GRID2: variants seen among roughly 807,000 people sequenced by gnomAD.
GRID2 encodes the protein glutamate receptor ionotropic, delta-2.
Under a neutral mutation model 114.8 loss-of-function variants are expected in GRID2, and 33 were observed. The observed-to-expected ratio is 0.29, with a 90% CI of 0.22 to 0.38. The LOEUF is 0.38. GRID2 is among the 10% of genes least tolerant of loss of function. The pLI is 1.00. For missense variants in GRID2, 1,184 were observed against 1,257.7 expected (o/e 0.94, Z 0.89); for synonymous variants, 505 against 449.9 (o/e 1.12, Z -1.55).
intron 2 of GRID2, among the ~76,000 whole-genome samples, chr4:92,943,555 G>A (rs544524721): frequency 1.8e-4 from 27 of 151,882 alleles, no homozygotes; most frequent in Admixed American, 9.2e-4. Flanking sequence ...TAGTTTGATC[G>A]TCTGAAGCCT....
At chr4:93,106,263 A>G (rs1301801881) in intron 3 of GRID2, among the ~76,000 whole-genome samples, 1 of 152,294 alleles carries the variant, frequency 6.6e-6, no homozygotes, top group East Asian at 1.9e-4. Flanking sequence ...CTGCCAGCTA[A>G]TCAGCATACA....
intron 14 of GRID2, among the ~76,000 whole-genome samples, chr4:93,688,205 A>G (rs1427779633): frequency 1.3e-5 from 2 of 151,912 alleles, no homozygotes; most frequent in Non-Finnish European, 2.9e-5. Context: ...AGGCTACTAG[A>G]AAAACAGTAT....
At chr4:92,830,307 T>A (rs928348775) in intron 2 of GRID2, among the ~76,000 whole-genome samples, 4 of 151,898 alleles carry the variant, frequency 2.6e-5, no homozygotes, top group African/African-American at 9.7e-5. Flanking sequence ...TTTTTTTTTT[T>A]TATTCTGAAA....
chr4:93,116,709 C>A (rs928384353), intron 4 of GRID2, among the ~76,000 whole-genome samples: 1 of 151,608 alleles, frequency 6.6e-6, no homozygotes, highest in Non-Finnish European at 1.5e-5. Flanking sequence ...TAGTTTCCGG[C>A]CTTGCTGGGA....
chr4:93,520,343 A>C (rs545625410), intron 13 of GRID2, among the ~76,000 whole-genome samples: 1 of 152,258 alleles, frequency 6.6e-6, no homozygotes, highest in African/African-American at 2.4e-5. Flanking sequence ...AGAATGGAAA[A>C]AAAAAAGCAG....
intron 4 of GRID2, among the ~76,000 whole-genome samples, chr4:93,194,158 T>C (rs1299860742): frequency 6.6e-6 from 1 of 152,192 alleles, no homozygotes; most frequent in Non-Finnish European, 1.5e-5. Flanking sequence ...CAGGATATAA[T>C]TGGTTGTCTA....
chr4:92,489,784 T>G (rs1250821939), intron 1 of GRID2, among the ~76,000 whole-genome samples: 5 of 151,604 alleles, frequency 3.3e-5, no homozygotes, highest in Non-Finnish European at 7.4e-5. Flanking sequence ...AGCTGGAAGT[T>G]GCAGTGAGCC....
intron 2 of GRID2, among the ~76,000 whole-genome samples, chr4:92,873,225 A>T (rs1020910457): frequency 6.6e-6 from 1 of 152,110 alleles, no homozygotes; most frequent in Non-Finnish European, 1.5e-5. Context: ...TAGTTTATTA[A>T]GCTCTTCAAT....
At chr4:93,438,230 T>G (rs996778912) in intron 10 of GRID2, among the ~76,000 whole-genome samples, 3 of 152,012 alleles carry the variant, frequency 2.0e-5, no homozygotes. Context: ...AATGTGTAGA[T>G]AAATAATTAA....
intron 10 of GRID2, among the ~76,000 whole-genome samples, chr4:93,443,627 C>T (rs540355140): frequency 6.6e-6 from 1 of 151,978 alleles, no homozygotes; most frequent in East Asian, 1.9e-4. Flanking sequence ...AGTGGTGATA[C>T]ATCATGAGCA....
Position 92,793,258 on chromosome 4 carries a change from C to A in GRID2, c.244+202972C>A, listed in dbSNP as rs192090524. On this transcript the variant is annotated intron_variant, in intron 2 of 15. Coordinates refer to ENST00000282020, the MANE Select transcript of GRID2 (RefSeq NM_001510.4). ...GTTTGATTATTTTGCCTAGAATGTT[C>A]ATTTTTTTGCCTAATTTTTATGCCA... 3.3e-4 allele frequency among the ~76,000 whole-genome samples: 50 copies of A among 151,762 alleles called. 1 individual carries two copies. The highest frequency in any genetic ancestry group is 1.0e-3 in the African/African-American group (42 of 41,456).
chr4:92,601,400 A>G (rs1729209467), intron 2 of GRID2, among the ~76,000 whole-genome samples: 1 of 152,208 alleles, frequency 6.6e-6, no homozygotes, highest in South Asian at 2.1e-4. Flanking sequence ...ATACAACTAA[A>G]TGGAAATTGA....
chr4:92,431,855 T>G (rs1732471470), intron 1 of GRID2, among the ~76,000 whole-genome samples: 1 of 152,234 alleles, frequency 6.6e-6, no homozygotes, highest in Admixed American at 6.5e-5. Flanking sequence ...TATGCTTGTT[T>G]GTACCCATTC....
chr4:93,581,749 A>C (rs982829187), intron 13 of GRID2, among the ~76,000 whole-genome samples: 10 of 152,170 alleles, frequency 6.6e-5, no homozygotes, highest in Non-Finnish European at 1.2e-4. Flanking sequence ...CTATCAGGAT[A>C]TCTCTATCCT....
At chr4:93,586,175 C>A (rs1353287158) in intron 13 of GRID2, among the ~76,000 whole-genome samples, 1 of 152,042 alleles carries the variant, frequency 6.6e-6, no homozygotes, top group Non-Finnish European at 1.5e-5. Context: ...TCATATCATC[C>A]TTTGCCCAAA....
At chr4:93,437,847 T>A (rs1721246176) in intron 10 of GRID2, among the ~76,000 whole-genome samples, 1 of 152,116 alleles carries the variant, frequency 6.6e-6, no homozygotes, top group African/African-American at 2.4e-5. Flanking sequence ...CTCTTAGTAA[T>A]CTCGTCCTCT....
intron 9 of GRID2, among the ~76,000 whole-genome samples, chr4:93,404,662 G>C (rs1156813553): frequency 6.6e-6 from 1 of 152,088 alleles, no homozygotes; most frequent in Non-Finnish European, 1.5e-5. Context: ...TTCTTCTTAT[G>C]CACAGACTGT....
chr4:92,852,921 C>T (rs528100777), intron 2 of GRID2, among the ~76,000 whole-genome samples: 173 of 152,058 alleles, frequency 1.1e-3, no homozygotes, highest in African/African-American at 4.0e-3. Flanking sequence ...TGCCTTCCTA[C>T]CATGAACCCA....
chr4:92,397,558 A>G (rs1730561178), intron 1 of GRID2, among the ~76,000 whole-genome samples: 2 of 152,274 alleles, frequency 1.3e-5, no homozygotes, highest in Admixed American at 6.5e-5. Flanking sequence ...CACCCAACAT[A>G]TGGAATAAAC....
Sources: allele counts gnomAD v4.1 joint callset (sites outside exome capture counted in the v4.1 genomes callset), GRCh38; gene constraint gnomAD v4.1.1; transcripts MANE v1.5; gene names NCBI Gene and HGNC (gene_info 2026-07-23, HGNC 2026-07-21).